Variants in SMIM7 observed in about 807,000 individuals in gnomAD.
SMIM7 encodes UPF0608 protein C19orf42.
In SMIM7, 12 loss-of-function variants were observed where a neutral mutation model predicts 13.3. That is an observed-to-expected ratio of 0.90 (90% CI 0.58 to 1.46). The LOEUF is 1.46. Among genes scored for constraint, SMIM7 ranks in the 40% most tolerant of loss-of-function variants. The pLI, the probability that SMIM7 is intolerant of heterozygous loss-of-function variation, is 0.00. For missense variants in SMIM7, 114 were observed against 94.8 expected (o/e 1.20, Z -0.84); for synonymous variants, 36 against 35.8 (o/e 1.01, Z -0.02).
At chr19:16,651,797 A>G (rs2086529992) in intron 4 of SMIM7, among the ~76,000 whole-genome samples, 1 of 150,620 alleles carries the variant, frequency 6.6e-6, no homozygotes, top group Non-Finnish European at 1.5e-5. Context: ...GGACCTTTGC[A>G]AAGATGAGAA....
At chr19:16,638,373 G>T (rs1005877131) in intron 4 of SMIM7, among the ~76,000 whole-genome samples, 1 of 144,398 alleles carries the variant, frequency 6.9e-6, no homozygotes, top group South Asian at 2.2e-4. Context: ...GCACGATCTC[G>T]GCTCACTGCA....
At chr19:16,635,564 G>T (rs763033167) in intron 4 of SMIM7, among the ~76,000 whole-genome samples, 6 of 152,044 alleles carry the variant, frequency 3.9e-5, no homozygotes, top group Non-Finnish European at 7.4e-5. Context: ...AAGGTGCAGA[G>T]TTGTGCCCCA....
At chr19:16,641,296 CTTTT>C (rs1172564010), downstream of SMIM7, 12 of 137,454 alleles carry the variant, frequency 8.7e-5, no homozygotes, top group South Asian at 1.8e-3. Flanking sequence ...TCTAATACAA[CTTTT>C]TTTTTTTTTT....
chr19:16,659,159 T>C (rs768669493), intron 3 of SMIM7: 13 of 585,870 alleles, frequency 2.2e-5, no homozygotes, highest in South Asian at 1.5e-4. Context: ...GGCACACACC[T>C]GTAATCCCAG....
chr19:16,652,949 G>T, intron 4 of SMIM7: 2 of 1,550,550 alleles, frequency 1.3e-6, no homozygotes, highest in South Asian at 2.4e-5. Flanking sequence ...CAATCTGCTT[G>T]AGTTTTCTCA....
downstream of SMIM7, among the ~76,000 whole-genome samples, chr19:16,641,850 G>A (rs2086406608): frequency 6.6e-6 from 1 of 152,124 alleles, no homozygotes; most frequent in East Asian, 1.9e-4. Context: ...CAAAGTGTGG[G>A]GATTACAGTT....
intron 4 of SMIM7, among the ~76,000 whole-genome samples, chr19:16,649,695 T>C (rs2086494602): frequency 6.6e-6 from 1 of 152,184 alleles, no homozygotes; most frequent in Non-Finnish European, 1.5e-5. Context: ...TTGTCACCAC[T>C]TTCATAATAG....
intron 4 of SMIM7, among the ~76,000 whole-genome samples, chr19:16,639,458 G>T (rs553791132): frequency 6.6e-6 from 1 of 152,162 alleles, no homozygotes; most frequent in South Asian, 2.1e-4. Context: ...CTAGTCCAGA[G>T]ATCAGTAAAC....
At chr19:16,640,631 TCTAA>T (rs1203079840) in intron 4 of SMIM7, 1 of 152,090 alleles carries the variant, frequency 6.6e-6, no homozygotes, top group Non-Finnish European at 1.5e-5. Flanking sequence ...GGGTCTTTCG[TCTAA>T]CTATCAAGAG....
rs2086453376 is a variant in SMIM7, at chr19:16,646,749, T to C, written c.*497A>G. 1 of 165,912 alleles carries C rather than the reference T, an allele frequency of 6.0e-6. No homozygotes were observed. The highest frequency in any genetic ancestry group is 1.3e-5 in the Non-Finnish European group (1 of 74,522). 10.3% of individuals were successfully genotyped at this position (165,912 alleles called of 1,614,324 possible). A position where few individuals can be genotyped will look rare whatever the true frequency, so the allele number is the denominator to read the frequency against. On this transcript the variant is annotated 3_prime_UTR_variant, in exon 5 of 5. Transcript: ENST00000487416. Reference sequence around the variant, plus strand: ...GGTGTCTCTGTTACAGGTGGCCCGTTCCTTAAAGCCTTTAGGGTTAATCGC... The same window carrying C: ...GGTGTCTCTGTTACAGGTGGCCCGTCCCTTAAAGCCTTTAGGGTTAATCGC...
At chr19:16,659,304 A>AAGT in intron 3 of SMIM7, 91 bp downstream of exon 3, 2 of 1,003,624 alleles carry the variant, frequency 2.0e-6, no homozygotes, top group Non-Finnish European at 2.9e-6. Context: ...AAAAAAAAAA[A>AAGT]GAGAAAGAAA....
intron 3 of SMIM7, chr19:16,655,354 T>C (rs1191221472): frequency 2.2e-6 from 1 of 455,860 alleles, no homozygotes; most frequent in Non-Finnish European, 4.4e-6. Flanking sequence ...AGTCAATCAC[T>C]CTCCCTCTCA....
downstream of SMIM7, among the ~76,000 whole-genome samples, chr19:16,642,420 G>A (rs942853859): frequency 5.3e-5 from 8 of 151,994 alleles, no homozygotes; most frequent in Non-Finnish European, 1.0e-4. Flanking sequence ...TAGCTGGGCA[G>A]GCACCTGTAA....
At position 16,647,242 on chromosome 19, in the gene SMIM7, G is replaced by A. The variant is rs1297153840; in HGVS notation, c.*4C>T. 40 of 1,613,830 alleles carry A rather than the reference G, an allele frequency of 2.5e-5. No homozygotes were observed. Among genetic ancestry groups the A allele is most frequent in the African/African-American group, 1.7e-4 (13 of 74,874 alleles). ...AAGTGAGTTCCTGGTTTCATCGCTG[G>A]GATTCAAGAGCCGAACAGCCTGGAG... On this transcript the variant is annotated 3_prime_UTR_variant, in exon 5 of 5. Coordinates refer to ENST00000487416, the MANE Select transcript of SMIM7 (RefSeq NM_024104.4).
intron 3 of SMIM7, 183 bp downstream of exon 3, chr19:16,659,212 G>A (rs767154387): frequency 3.1e-5 from 21 of 674,626 alleles, no homozygotes; most frequent in Non-Finnish European, 4.8e-5. Context: ...TAGCTCAGGA[G>A]GTCGAGTCTG....
In SMIM7 at chr19:16,654,094, G is replaced by C; in HGVS notation, c.153C>G (p.Leu51=). The C allele has an allele frequency of 6.2e-7, 1 of 1,614,120 alleles. No homozygotes were observed. Among genetic ancestry groups the C allele is most frequent in the Non-Finnish European group, 8.5e-7 (1 of 1,180,028 alleles). ...GDNIREFLLS[L]RYFRIFIALW... is the part of the protein sequence containing the mutation. ...GGGCGATGAAGATTCGAAAGTATCT[G>C]AGGCTCAGCAAGAATTCCCGGATGT... is the stretch of plus-strand genomic sequence containing the variant. The change falls in exon 4 of 5, where the codon CTC becomes CTG. Residue 51 remains leucine, a synonymous_variant. Transcript: ENST00000487416.
chr19:16,659,401 T>G lies in SMIM7; in HGVS notation c.115A>C (p.Ser39Arg), dbSNP rs1209809465. The change falls in exon 3 of 5, where the codon AGC becomes CGC. Residue 39 changes from serine (S) to arginine (R), a missense_variant. Coordinates refer to ENST00000487416, the MANE Select transcript of SMIM7 (RefSeq NM_024104.4). ...GGATCCAATTAGACCTTACCTGTGC[T>G]GGGCTCCCTGGACTCCTCCCCAAAG... Reference protein sequence around the residue: ...QGFGEESREPSTGDNIREFLL... With the variant: ...QGFGEESREPRTGDNIREFLL... 2.5e-6 allele frequency: 4 copies of G among 1,613,642 alleles called. No homozygotes were observed. The highest frequency in any genetic ancestry group is 3.4e-6 in the Non-Finnish European group (4 of 1,179,932).
chr19:16,658,988 C>T (rs182119846), intron 3 of SMIM7, among the ~76,000 whole-genome samples: 1 of 152,166 alleles, frequency 6.6e-6, no homozygotes, highest in Non-Finnish European at 1.5e-5. Context: ...CCCACTCACA[C>T]ACACGCTCAA....
Position 16,660,111 on chromosome 19 carries a change from C to G in SMIM7, c.-1G>C. On this transcript the variant is annotated 5_prime_UTR_variant, in exon 1 of 5. Coordinates refer to ENST00000487416, the MANE Select transcript of SMIM7 (RefSeq NM_024104.4). Reference sequence around the variant, plus strand: ...CGAACAGCAGGATGTCTCCGATCATCGTTACGGCCGAAGCGTCCGTCAGAA... The same window carrying G: ...CGAACAGCAGGATGTCTCCGATCATGGTTACGGCCGAAGCGTCCGTCAGAA... 1.2e-6 allele frequency: 2 copies of G among 1,614,166 alleles called. No homozygotes were observed. Among genetic ancestry groups the G allele is most frequent in the East Asian group, 2.2e-5 (1 of 44,880 alleles).
Sources: gnomAD v4.1 joint callset for allele counts (sites outside exome capture counted in the v4.1 genomes callset) on GRCh38, gnomAD v4.1.1 for gene constraint, MANE v1.5 for transcripts, NCBI Gene and HGNC (gene_info 2026-07-23, HGNC 2026-07-21) for gene names.